The following SUSD4 variants were observed in gnomAD, a reference collection of about 807,000 sequenced individuals.
SUSD4 encodes sushi domain containing 4.
SUSD4 carries 41 observed loss-of-function variants against 50.5 expected under a neutral mutation model. The observed-to-expected ratio is 0.81, with a 90% CI of 0.63 to 1.05. The LOEUF (loss-of-function observed/expected upper bound fraction) is 1.05. Ranked by LOEUF, SUSD4 falls within the 50% of genes least tolerant of loss-of-function variation. The pLI is 0.00. For synonymous variants in SUSD4, 257 were observed against 257.3 expected (o/e 1.00, Z 0.01); for missense variants, 580 against 634.7 (o/e 0.91, Z 0.93).
intron 3 of SUSD4, among the ~76,000 whole-genome samples, chr1:223,291,981 C>T (rs1664520120): frequency 6.6e-6 from 1 of 152,200 alleles, no homozygotes; most frequent in African/African-American, 2.4e-5. Context: ...TGTCACAGTT[C>T]TTTCTTTTCC....
chr1:223,315,902 T>TG (rs1666159432), intron 2 of SUSD4, among the ~76,000 whole-genome samples: 1 of 152,172 alleles, frequency 6.6e-6, no homozygotes, highest in African/African-American at 2.4e-5. Flanking sequence ...GGGAAGGGGA[T>TG]GCTAGACATA....
At position 223,231,145 on chromosome 1, in the gene SUSD4, G is replaced by A. The variant is rs1295814317; in HGVS notation, c.725-1757C>T. Among the ~76,000 whole-genome samples the A allele has an allele frequency of 6.6e-6, 1 of 152,106 alleles. No homozygotes were observed. Among genetic ancestry groups the A allele is most frequent in the African/African-American group, 2.4e-5 (1 of 41,386 alleles). On this transcript the variant is annotated intron_variant, in intron 5 of 8. Coordinates refer to ENST00000366878, the MANE Select transcript of SUSD4 (RefSeq NM_017982.4). The surrounding 1 kb of genome is among the most constrained non-coding windows in gnomAD (Gnocchi z 4.2). ...TATCCCGCGGGAACTGGAGCCCGGGGAAACTCAGACCCCGCTGGAGATGTC... is the reference window on the plus strand; with the variant it reads ...TATCCCGCGGGAACTGGAGCCCGGGAAAACTCAGACCCCGCTGGAGATGTC...
intron 5 of SUSD4, among the ~76,000 whole-genome samples, chr1:223,235,564 GT>G (rs2103011996): frequency 7.8e-6 from 1 of 128,386 alleles, no homozygotes; most frequent in South Asian, 2.4e-4. Flanking sequence ...TCGTTTTGCT[GT>G]CGTCATAGTT....
chr1:223,361,675 A>C (rs562919445), intron 2 of SUSD4, among the ~76,000 whole-genome samples: 1 of 152,348 alleles, frequency 6.6e-6, no homozygotes, highest in African/African-American at 2.4e-5. Context: ...CAATAACAAT[A>C]GTCAAGACAA....
intron 2 of SUSD4, among the ~76,000 whole-genome samples, chr1:223,342,939 G>A (rs1007789875): frequency 2.6e-5 from 4 of 152,150 alleles, no homozygotes; most frequent in African/African-American, 9.7e-5. Context: ...AATGAACATT[G>A]TTGATATGTG....
At chr1:223,353,404 C>T (rs1385998843) in intron 2 of SUSD4, among the ~76,000 whole-genome samples, 2 of 152,156 alleles carry the variant, frequency 1.3e-5, no homozygotes, top group South Asian at 2.1e-4. Flanking sequence ...TTTGTATTTA[C>T]GAAATGCCTC....
At chr1:223,281,572 G>A (rs1361803896) in intron 3 of SUSD4, among the ~76,000 whole-genome samples, 1 of 152,134 alleles carries the variant, frequency 6.6e-6, no homozygotes, top group Non-Finnish European at 1.5e-5. Flanking sequence ...CCAATAACAG[G>A]CTCTGAAATT....
intron 7 of SUSD4, 85 bp from the exon 8 acceptor site, chr1:223,223,716 T>C: frequency 6.9e-7 from 1 of 1,452,854 alleles, no homozygotes; most frequent in Admixed American, 2.5e-5. Context: ...GCACTCGGGG[T>C]CCTCAGGACC....
chr1:223,328,360 G>A (rs1209114013), intron 2 of SUSD4, among the ~76,000 whole-genome samples: 1 of 152,186 alleles, frequency 6.6e-6, no homozygotes, highest in East Asian at 1.9e-4. Flanking sequence ...AGGTGGCAGA[G>A]CCAGGACTAA....
intron 4 of SUSD4, 87 bp downstream of exon 4, chr1:223,268,415 C>T: frequency 6.8e-7 from 1 of 1,480,946 alleles, no homozygotes; most frequent in Non-Finnish European, 9.0e-7. Context: ...TCATCTCTAT[C>T]ACTTTATTAG....
intron 2 of SUSD4, among the ~76,000 whole-genome samples, chr1:223,357,506 C>G (rs1274872500): frequency 2.0e-5 from 3 of 152,144 alleles, no homozygotes; most frequent in Non-Finnish European, 4.4e-5. Context: ...GGACAAGTTG[C>G]TTGATCTTTC....
At chr1:223,296,692 C>T (rs1198365320) in intron 2 of SUSD4, among the ~76,000 whole-genome samples, 1 of 152,108 alleles carries the variant, frequency 6.6e-6, no homozygotes, top group African/African-American at 2.4e-5. Flanking sequence ...ATGGCAGGGA[C>T]CAGGTAGGAG....
At chr1:223,289,337 T>C (rs1042457611) in intron 3 of SUSD4, 3 of 978,816 alleles carry the variant, frequency 3.1e-6, no homozygotes, top group Middle Eastern at 5.2e-4. Context: ...AGTGAATTCA[T>C]TCAGTTCTGT....
chr1:223,252,209 AAAGTAT>A (rs1661362682), intron 5 of SUSD4, among the ~76,000 whole-genome samples: 1 of 104,024 alleles, frequency 9.6e-6, no homozygotes, highest in Non-Finnish European at 2.0e-5. Flanking sequence ...CCTAGAACTT[AAAGTAT>A]AATTAAAAAA....
intron 3 of SUSD4, among the ~76,000 whole-genome samples, chr1:223,286,685 T>C (rs1328949385): frequency 6.6e-6 from 1 of 152,218 alleles, no homozygotes; most frequent in Non-Finnish European, 1.5e-5. Context: ...GGAGCTGCCA[T>C]CGGGCCTCCC....
At chr1:223,362,080 A>G (rs1480691577) in intron 2 of SUSD4, among the ~76,000 whole-genome samples, 1 of 152,178 alleles carries the variant, frequency 6.6e-6, no homozygotes, top group Non-Finnish European at 1.5e-5. Context: ...ACCAATGTCC[A>G]CCCAAAGCAA....
chr1:223,332,350 T>C lies in SUSD4; in HGVS notation c.148+30928A>G, dbSNP rs1314231727. Reference sequence around the variant, plus strand: ...TGTATGTATAAATGGCATATCTATATTCAGACACGGTACCTGAATTTCCAA... The same window carrying C: ...TGTATGTATAAATGGCATATCTATACTCAGACACGGTACCTGAATTTCCAA... On this transcript the variant is annotated intron_variant, in intron 2 of 8. Transcript: ENST00000366878. The surrounding 1 kb of genome is among the most constrained non-coding windows in gnomAD (Gnocchi z 4.0). Among the ~76,000 whole-genome samples, 2 of 152,192 alleles carry C rather than the reference T, an allele frequency of 1.3e-5. No homozygotes were observed. Among genetic ancestry groups the C allele is most frequent in the Admixed American group, 1.3e-4 (2 of 15,280 alleles).
intron 5 of SUSD4, among the ~76,000 whole-genome samples, chr1:223,253,196 C>T (rs1179319078): frequency 6.6e-6 from 1 of 151,876 alleles, no homozygotes; most frequent in Non-Finnish European, 1.5e-5. Flanking sequence ...TCTTCAGAAG[C>T]CACAAGAAAA....
At chr1:223,359,062 G>T (rs1456239684) in intron 2 of SUSD4, 1 of 470,990 alleles carries the variant, frequency 2.1e-6, no homozygotes, top group Non-Finnish European at 4.4e-6. Flanking sequence ...GCTGCACTAG[G>T]ACCATGACTT....
Sources: allele counts gnomAD v4.1 joint callset (sites outside exome capture counted in the v4.1 genomes callset), GRCh38; gene constraint gnomAD v4.1.1; non-coding constraint Gnocchi (gnomAD v3.1); transcripts MANE v1.5; gene names NCBI Gene and HGNC (gene_info 2026-07-23, HGNC 2026-07-21).